The following ARHGEF9 variants were observed in gnomAD, a reference collection of about 807,000 sequenced individuals.
ARHGEF9 encodes rho guanine nucleotide exchange factor 9.
In ARHGEF9, 2 loss-of-function variants were observed where a neutral mutation model predicts 41.3. The observed-to-expected ratio is 0.05, with a 90% CI of 0.02 to 0.15. ARHGEF9 has a LOEUF of 0.15. Ranked by LOEUF, ARHGEF9 falls within the 10% of genes least tolerant of loss-of-function variation. The probability of loss-of-function intolerance (pLI) is 1.00; values close to 1 mark genes in which losing one functional copy is unlikely to be tolerated. For missense variants in ARHGEF9, 225 were observed against 424.7 expected (o/e 0.53, Z 4.13); for synonymous variants, 160 against 154.4 (o/e 1.04, Z -0.27).
intron 2 of ARHGEF9, among the ~76,000 whole-genome samples, chrX:63,716,412 T>C (rs2053306844): frequency 9.0e-6 from 1 of 111,680 alleles, no homozygotes; most frequent in Non-Finnish European, 1.9e-5. Flanking sequence ...GGTAAAGAAC[T>C]TGACTAAAGT....
At chrX:63,646,064 G>T (rs1364442265) in intron 8 of ARHGEF9, among the ~76,000 whole-genome samples, 2 of 111,020 alleles carry the variant, frequency 1.8e-5, no homozygotes, top group South Asian at 3.8e-4. Flanking sequence ...TCACCCACTT[G>T]TTGATGGGGT....
At chrX:63,699,018 G>T (rs1382347676) in intron 3 of ARHGEF9, among the ~76,000 whole-genome samples, 3 of 111,332 alleles carry the variant, frequency 2.7e-5, no homozygotes, top group Admixed American at 1.9e-4. Flanking sequence ...ACTCCTGTAG[G>T]CCCTTCCCTA....
At chrX:63,698,187 T>C (rs1352765296) in intron 3 of ARHGEF9, among the ~76,000 whole-genome samples, 1 of 108,224 alleles carries the variant, frequency 9.2e-6, no homozygotes, top group Non-Finnish European at 1.9e-5. Context: ...CACGTTAATA[T>C]GTCCTAACAC....
chrX:63,772,456 A>T (rs1556455499), intron 1 of ARHGEF9, among the ~76,000 whole-genome samples: 1 of 111,676 alleles, frequency 9.0e-6, no homozygotes, highest in African/African-American at 3.3e-5. Context: ...AAAATAAATA[A>T]TGCTTGCCAT....
chrX:63,776,815 G>A lies in ARHGEF9; in HGVS notation c.30+8301C>T, dbSNP rs781823633. Among the ~76,000 whole-genome samples, 4 of 111,653 alleles carry A rather than the reference G, an allele frequency of 3.6e-5. No homozygotes were observed. In the East Asian group the frequency reaches 1.1e-3, roughly 31 times the overall value. ...TACCTCTCACTTTCCCAAGCTGTAC[G>A]GCACTTTTAAATGCTAGGTAGTTCA... On this transcript the variant is annotated intron_variant, in intron 1 of 9. Transcript: ENST00000671741.
At chrX:63,728,105 T>C (rs1367783525) in intron 1 of ARHGEF9, among the ~76,000 whole-genome samples, 1 of 112,040 alleles carries the variant, frequency 8.9e-6, no homozygotes, top group African/African-American at 3.3e-5. Flanking sequence ...TTAACAGCTG[T>C]GTGGGGCTTC....
At chrX:63,767,287 C>A in intron 1 of ARHGEF9, 1 of 604,442 alleles carries the variant, frequency 1.7e-6, no homozygotes, top group Non-Finnish European at 2.8e-6. Context: ...TGATGAAGTT[C>A]CAGATCTTGT....
intron 1 of ARHGEF9, among the ~76,000 whole-genome samples, chrX:63,779,041 GT>G (rs1205774370): frequency 8.9e-6 from 1 of 111,923 alleles, no homozygotes; most frequent in African/African-American, 3.2e-5. Flanking sequence ...ATTGGTAATA[GT>G]TTCAGGACTG....
chrX:63,668,133 A>AT (rs1176758462), intron 6 of ARHGEF9, among the ~76,000 whole-genome samples: 1,691 of 104,090 alleles, frequency 0.016, 31 homozygotes, highest in Non-Finnish European at 0.022. Context: ...TCAATTCTAC[A>AT]TTTTTTTTTT....
intron 3 of ARHGEF9, chrX:63,701,398 T>A (rs1320907275): frequency 9.0e-6 from 1 of 110,678 alleles, no homozygotes; most frequent in African/African-American, 3.3e-5. Context: ...ATAGGCGACC[T>A]GACAAACATC....
At chrX:63,759,785 C>T (rs1164372815) in intron 1 of ARHGEF9, among the ~76,000 whole-genome samples, 2 of 111,968 alleles carry the variant, frequency 1.8e-5, no homozygotes, top group Admixed American at 1.9e-4. Flanking sequence ...ACGGTAGGTA[C>T]TATTATTGTC....
At chrX:63,702,262 AG>A (rs2052235916) in intron 3 of ARHGEF9, among the ~76,000 whole-genome samples, 1 of 112,426 alleles carries the variant, frequency 8.9e-6, no homozygotes, top group East Asian at 2.8e-4. Flanking sequence ...AGCTTTATAA[AG>A]CATCGTTAGC....
At chrX:63,718,444 C>T (rs1398641826) in intron 2 of ARHGEF9, among the ~76,000 whole-genome samples, 1 of 111,196 alleles carries the variant, frequency 9.0e-6, no homozygotes, top group Admixed American at 9.6e-5. Context: ...ATCACACCAC[C>T]AAGGCAGTAT....
At chrX:63,696,031 T>C (rs1556387718) in intron 4 of ARHGEF9, among the ~76,000 whole-genome samples, 1 of 111,634 alleles carries the variant, frequency 9.0e-6, no homozygotes, top group Admixed American at 9.5e-5. Flanking sequence ...CTTTTCCTTT[T>C]GCTGATTTTA....
At chrX:63,668,005 T>C (rs2049687587) in intron 6 of ARHGEF9, among the ~76,000 whole-genome samples, 1 of 111,660 alleles carries the variant, frequency 9.0e-6, no homozygotes, top group Non-Finnish European at 1.9e-5. Context: ...AGAGAGCCAA[T>C]GCCATAAGAA....
At chrX:63,763,886 G>A (rs2056074072) in intron 1 of ARHGEF9, among the ~76,000 whole-genome samples, 1 of 111,472 alleles carries the variant, frequency 9.0e-6, no homozygotes. Context: ...CCTAGCTTTA[G>A]GCAAATCATA....
chrX:63,649,678 T>C (rs1299568313), intron 8 of ARHGEF9, among the ~76,000 whole-genome samples: 5 of 110,862 alleles, frequency 4.5e-5, no homozygotes, highest in Non-Finnish European at 9.5e-5. Context: ...AACAACAAAA[T>C]TGATAGACCA....
At chrX:63,724,987 C>T in intron 1 of ARHGEF9, 1 of 338,196 alleles carries the variant, frequency 3.0e-6, no homozygotes, top group Non-Finnish European at 5.1e-6. Context: ...TTCTCCTGTG[C>T]AGAACAAAGA....
intron 1 of ARHGEF9, chrX:63,755,933 G>A: frequency 4.7e-6 from 3 of 640,364 alleles, no homozygotes; most frequent in Non-Finnish European, 5.6e-6. Flanking sequence ...GCCAGCATAG[G>A]GTTAAACATT....
Sources: allele counts gnomAD v4.1 joint callset (sites outside exome capture counted in the v4.1 genomes callset), GRCh38; gene constraint gnomAD v4.1.1; transcripts MANE v1.5; gene names NCBI Gene and HGNC (gene_info 2026-07-23, HGNC 2026-07-21).